Variants in PPP4R3A observed in about 807,000 individuals in gnomAD.
PPP4R3A encodes the protein serine/threonine-protein phosphatase 4 regulatory subunit 3A.
A neutral mutation model predicts 91.7 loss-of-function variants in PPP4R3A; 15 were observed. The observed-to-expected ratio is 0.16, with a 90% CI of 0.11 to 0.25. The LOEUF (loss-of-function observed/expected upper bound fraction) is 0.25. Ranked by LOEUF, PPP4R3A falls within the 10% of genes least tolerant of loss-of-function variation. PPP4R3A has a pLI of 1.00. For missense variants in PPP4R3A, 623 were observed against 998.4 expected, an observed-to-expected ratio of 0.62 and a Z score of 5.07; for synonymous variants, 377 against 348.7, an observed-to-expected ratio of 1.08 and a Z score of -0.91.
intron 11 of PPP4R3A, 117 bp from the exon 12 acceptor site, chr14:91,462,994 T>C (rs1469252411): frequency 6.5e-5 from 52 of 796,634 alleles, no homozygotes; most frequent in African/African-American, 1.7e-5. Flanking sequence ...AACTACATAA[T>C]CTTAGAGATA....
intron 4 of PPP4R3A, among the ~76,000 whole-genome samples, chr14:91,480,746 C>A (rs556788498): frequency 6.6e-6 from 1 of 152,210 alleles, no homozygotes; most frequent in Admixed American, 6.5e-5. Flanking sequence ...TTAATATTAT[C>A]CTCCTATAGT....
chr14:91,473,676 C>T (rs1340043579), intron 7 of PPP4R3A, among the ~76,000 whole-genome samples: 2 of 152,132 alleles, frequency 1.3e-5, no homozygotes, highest in East Asian at 1.9e-4. Flanking sequence ...TGTAATCTAC[C>T]TTTTGAAGAA....
At chr14:91,477,025 A>G in intron 4 of PPP4R3A, 39 bp from the exon 5 acceptor site, 1 of 1,463,522 alleles carries the variant, frequency 6.8e-7, no homozygotes, top group Non-Finnish European at 9.4e-7. Flanking sequence ...GTTAATGCTA[A>G]GATTGTCCTA....
At chr14:91,499,390 G>A (rs1262891340) in intron 1 of PPP4R3A, among the ~76,000 whole-genome samples, 1 of 152,072 alleles carries the variant, frequency 6.6e-6, no homozygotes, top group African/African-American at 2.4e-5. Flanking sequence ...TAAGTACAGT[G>A]GAATACTACA....
chr14:91,505,311 T>C (rs1891224865), intron 1 of PPP4R3A, among the ~76,000 whole-genome samples: 2 of 151,972 alleles, frequency 1.3e-5, no homozygotes, highest in South Asian at 2.1e-4. Flanking sequence ...AAATTAGCCA[T>C]GCATGATGGC....
At chr14:91,477,792 GCA>G in intron 4 of PPP4R3A, among the ~76,000 whole-genome samples, 1 of 152,296 alleles carries the variant, frequency 6.6e-6, no homozygotes, top group African/African-American at 2.4e-5. Context: ...GGGACTACAG[GCA>G]CACACCACTA....
At chr14:91,502,729 TC>T (rs1449112799) in intron 1 of PPP4R3A, among the ~76,000 whole-genome samples, 2 of 152,232 alleles carry the variant, frequency 1.3e-5, no homozygotes, top group African/African-American at 4.8e-5. Flanking sequence ...AAAACATTTC[TC>T]CATGTCTCAT....
chr14:91,462,601 G>T, intron 12 of PPP4R3A, 134 bp downstream of exon 12: 1 of 978,508 alleles, frequency 1.0e-6, no homozygotes, highest in Non-Finnish European at 1.6e-6. Flanking sequence ...GACCCTTACA[G>T]GAAGCTACAA....
chr14:91,460,561 T>C (rs1888072081), intron 14 of PPP4R3A, among the ~76,000 whole-genome samples: 2 of 151,984 alleles, frequency 1.3e-5, no homozygotes, highest in South Asian at 2.1e-4. Context: ...AAAAGGGTGG[T>C]TGGCATAAGG....
intron 4 of PPP4R3A, among the ~76,000 whole-genome samples, chr14:91,477,256 C>A (rs1307635795): frequency 6.6e-6 from 1 of 152,002 alleles, no homozygotes; most frequent in Non-Finnish European, 1.5e-5. Context: ...GAGTACTCAA[C>A]CCTGCTCCAG....
At position 91,475,649 on chromosome 14, in the gene PPP4R3A, T is replaced by C. The variant is rs546344354; in HGVS notation, c.1266+162A>G. The C allele has an allele frequency of 3.2e-5, 19 of 587,550 alleles. 1 individual carries two copies. Among genetic ancestry groups the C allele is most frequent in the South Asian group, 1.8e-4 (7 of 38,356 alleles). The allele number at this position is 587,550 out of a possible 1,614,324, so 36.4% of individuals were successfully genotyped here. On this transcript the variant is annotated intron_variant, in intron 7 of 14. Coordinates refer to ENST00000554943, the MANE Select transcript of PPP4R3A (RefSeq NM_001366432.2). Reference sequence around the variant, plus strand: ...ACATAAATAGTTGCTGTAGGACAAATTGATAAACTGAGACAGGAACCAATT... The same window carrying C: ...ACATAAATAGTTGCTGTAGGACAAACTGATAAACTGAGACAGGAACCAATT...
intron 7 of PPP4R3A, 128 bp from the exon 8 acceptor site, chr14:91,473,498 T>A: frequency 1.0e-6 from 1 of 956,354 alleles, no homozygotes; most frequent in Non-Finnish European, 1.5e-6. Context: ...GTGAAATGTT[T>A]AACTCAGTTA....
At chr14:91,476,846 G>A (rs771673196) in intron 5 of PPP4R3A, 63 bp downstream of exon 5, 83 of 1,400,836 alleles carry the variant, frequency 5.9e-5, no homozygotes, top group Non-Finnish European at 7.0e-5. Context: ...ATTTACAGGC[G>A]TGAGCCACCA....
At chr14:91,468,882 C>T (rs1888660747) in intron 10 of PPP4R3A, among the ~76,000 whole-genome samples, 1 of 151,728 alleles carries the variant, frequency 6.6e-6, no homozygotes, top group Non-Finnish European at 1.5e-5. Context: ...TTCCACTATG[C>T]ATCCAAACAC....
chr14:91,486,975 G>A (rs896366501), intron 2 of PPP4R3A, among the ~76,000 whole-genome samples: 8 of 151,336 alleles, frequency 5.3e-5, no homozygotes, highest in African/African-American at 1.2e-4. Flanking sequence ...GGCAGGGTGC[G>A]GTGGCTCATG....
rs1595096941 is a variant in PPP4R3A at position 91,507,511 on chromosome 14, ATTATATATACTATAG to A, written c.142+1980_142+1994del. Among the ~76,000 whole-genome samples the A allele has an allele frequency of 2.8e-5, 4 of 140,524 alleles. No homozygotes were observed. In the East Asian group the frequency reaches 6.1e-4, roughly 21 times the overall value. 92.2% of individuals were successfully genotyped at this position (140,524 alleles called of 152,430 possible). ...TATACTATATAGAATATATGCTATA[ATTATATATACTATAG>A]TTATATATACTATATATTATATATA... On this transcript the variant is annotated intron_variant, in intron 1 of 14. Transcript: ENST00000554943.
chr14:91,487,467 C>T (rs922815757), intron 2 of PPP4R3A, among the ~76,000 whole-genome samples: 6 of 151,788 alleles, frequency 4.0e-5, no homozygotes, highest in Non-Finnish European at 5.9e-5. Context: ...AGTGTTTTTT[C>T]AAGCTGGTAC....
In PPP4R3A at chr14:91,487,083, TA is replaced by T. The variant is rs561190487; in HGVS notation, c.199-1354del. Reference sequence around the variant, plus strand: ...CCAACAGGTAAAGCCCCGTCTCTACTAAAAATACAAAAAAATTTTAGCCGGG... The same window carrying T: ...CCAACAGGTAAAGCCCCGTCTCTACTAAAATACAAAAAAATTTTAGCCGGG... On this transcript the variant is annotated intron_variant, in intron 2 of 14. Coordinates refer to ENST00000554943, the MANE Select transcript of PPP4R3A (RefSeq NM_001366432.2). 3.9e-4 allele frequency among the ~76,000 whole-genome samples: 59 copies of T among 151,324 alleles called. No homozygotes were observed. In the South Asian group the frequency reaches 0.012, roughly 30 times the overall value.
At chr14:91,468,550 T>C (rs1293135388) in intron 10 of PPP4R3A, among the ~76,000 whole-genome samples, 3 of 149,786 alleles carry the variant, frequency 2.0e-5, no homozygotes, top group African/African-American at 4.9e-5. Flanking sequence ...GCTCCTGTAA[T>C]CCCAGCTACT....
Sources: gnomAD v4.1 joint callset for allele counts (sites outside exome capture counted in the v4.1 genomes callset) on GRCh38, gnomAD v4.1.1 for gene constraint, MANE v1.5 for transcripts, NCBI Gene and HGNC (gene_info 2026-07-23, HGNC 2026-07-21) for gene names.